TTC13: variants seen among roughly 807,000 people sequenced by gnomAD.
TTC13 encodes the protein tetratricopeptide repeat domain 13.
TTC13 carries 62 observed loss-of-function variants against 120.0 expected under a neutral mutation model. The ratio of observed to expected loss-of-function variants is 0.52; its 90% CI spans 0.42 to 0.64. The LOEUF (loss-of-function observed/expected upper bound fraction) is 0.64, where lower values mean the gene tolerates loss of function less well. Among genes scored for constraint, TTC13 ranks in the 30% least tolerant of loss-of-function variants. The pLI is 0.00. For missense variants in TTC13, 824 were observed against 1,050.2 expected, an observed-to-expected ratio of 0.78 and a Z score of 2.98; for synonymous variants, 384 against 393.5, an observed-to-expected ratio of 0.98 and a Z score of 0.28.
chr1:230,931,823 G>C lies in TTC13; in HGVS notation c.1038C>G (p.Leu346=). The C allele has an allele frequency of 6.2e-7, 1 of 1,614,178 alleles. No homozygotes were observed. The highest frequency in any genetic ancestry group is 8.5e-7 in the Non-Finnish European group (1 of 1,180,028). The stretch of plus-strand genomic sequence containing the variant: ...GGAGGGTTTGCACATGATTTTGGTT[G>C]AGCAACAGTGCCTTTTGAAAGCTCT... ...ATESFQKALL[L]NQNHVQTLQL... The change falls in exon 10 of 23, where the codon CTC becomes CTG. Residue 346 remains leucine, a synonymous_variant. Coordinates refer to ENST00000366661, the MANE Select transcript of TTC13 (RefSeq NM_024525.5).
At chr1:230,910,248 T>C (rs544032188) in intron 20 of TTC13, among the ~76,000 whole-genome samples, 192 of 151,614 alleles carry the variant, frequency 1.3e-3, no homozygotes, top group Non-Finnish European at 1.8e-3. Context: ...GGGCTGAAGA[T>C]GAAAGGGGCA....
chr1:230,967,120 C>T (rs557922466), intron 1 of TTC13, among the ~76,000 whole-genome samples: 1 of 152,194 alleles, frequency 6.6e-6, no homozygotes, highest in African/African-American at 2.4e-5. Context: ...ACTGTATTAT[C>T]TGCACGTAAT....
intron 1 of TTC13, among the ~76,000 whole-genome samples, chr1:230,964,252 A>T (rs556870637): frequency 6.6e-6 from 1 of 152,212 alleles, no homozygotes; most frequent in African/African-American, 2.4e-5. Flanking sequence ...TTCTTGACCT[A>T]TATTTTTGAA....
intron 4 of TTC13, among the ~76,000 whole-genome samples, chr1:230,951,423 A>G (rs1675569538): frequency 6.6e-6 from 1 of 152,192 alleles, no homozygotes; most frequent in South Asian, 2.1e-4. Context: ...AGAAAACCAA[A>G]AATTCTGTAC....
chr1:230,917,945 GC>G (rs1156624995), intron 17 of TTC13, among the ~76,000 whole-genome samples: 4 of 152,168 alleles, frequency 2.6e-5, no homozygotes, highest in Non-Finnish European at 5.9e-5. Context: ...AAGCCATTCT[GC>G]CCCCTGGGGG....
In TTC13 at chr1:230,924,703, A is replaced by G. The variant is rs1443920923; in HGVS notation, c.1721+138T>C. The G allele has an allele frequency of 6.6e-6, 6 of 904,062 alleles. No homozygotes were observed. In the Admixed American group the frequency reaches 9.5e-5, roughly 14 times the overall value. 56.0% of individuals were successfully genotyped at this position (904,062 alleles called of 1,614,324 possible). Reference sequence around the variant, plus strand: ...TAAAGATGCCAGCAATTTCTAACAAACTTTAGAGAGGAAAACCTAACTTGG... The same window carrying G: ...TAAAGATGCCAGCAATTTCTAACAAGCTTTAGAGAGGAAAACCTAACTTGG... On this transcript the variant is annotated intron_variant, in intron 14 of 22. Transcript: ENST00000366661.
intron 15 of TTC13, among the ~76,000 whole-genome samples, chr1:230,922,904 G>C (rs1199330387): frequency 6.6e-6 from 1 of 152,140 alleles, no homozygotes; most frequent in Non-Finnish European, 1.5e-5. Context: ...ATCTACGGTA[G>C]CCTTCGATTA....
chr1:230,971,121 G>C (rs531199671), intron 1 of TTC13, among the ~76,000 whole-genome samples: 1 of 152,114 alleles, frequency 6.6e-6, no homozygotes, highest in South Asian at 2.1e-4. Context: ...CGAGGCAGGC[G>C]GATCACGAGG....
chr1:230,970,159 G>C (rs1452733613), intron 1 of TTC13, among the ~76,000 whole-genome samples: 1 of 152,218 alleles, frequency 6.6e-6, no homozygotes, highest in African/African-American at 2.4e-5. Flanking sequence ...CCAATGCTGG[G>C]TCCTAGTAAT....
chr1:230,957,666 G>A (rs1229939160), intron 3 of TTC13, among the ~76,000 whole-genome samples: 2 of 152,070 alleles, frequency 1.3e-5, no homozygotes, highest in Non-Finnish European at 2.9e-5. Context: ...ACTAGACAGC[G>A]AGGGAAACAC....
At chr1:230,955,661 A>G (rs1676009599) in intron 3 of TTC13, among the ~76,000 whole-genome samples, 1 of 113,964 alleles carries the variant, frequency 8.8e-6, no homozygotes, top group African/African-American at 3.8e-5. Context: ...ACAGAGAGAG[A>G]CTCCATCTCA....
chr1:230,940,688 C>T lies in TTC13; in HGVS notation c.673-132G>A. On this transcript the variant is annotated intron_variant, in intron 6 of 22. Transcript: ENST00000366661. The surrounding 1 kb of genome is among the most constrained non-coding windows in gnomAD (Gnocchi z 4.1). The stretch of plus-strand genomic sequence containing the variant: ...CTCTCAGCAGGCTGCAATCCTTGAC[C>T]CCCTATATTATGCGGTGGGGTTCAA... 1.6e-6 allele frequency: 1 copy of T among 638,538 alleles called. No individual in the cohort carries two copies. The highest frequency in any genetic ancestry group is 1.8e-5 in the South Asian group (1 of 57,096). 39.6% of individuals were successfully genotyped at this position (638,538 alleles called of 1,614,324 possible).
intron 2 of TTC13, 126 bp from the exon 3 acceptor site, chr1:230,958,425 T>C (rs922604571): frequency 9.1e-7 from 1 of 1,093,280 alleles, no homozygotes; most frequent in East Asian, 2.6e-5. Flanking sequence ...AGCAAGAAAA[T>C]GCCACTATTG....
intron 9 of TTC13, among the ~76,000 whole-genome samples, chr1:230,933,479 G>A (rs1007228338): frequency 2.0e-5 from 3 of 152,174 alleles, no homozygotes; most frequent in South Asian, 2.1e-4. Flanking sequence ...TAGCAGCAGC[G>A]TCTACACCCC....
At chr1:230,924,144 T>C (rs570970854) in intron 14 of TTC13, among the ~76,000 whole-genome samples, 1 of 152,318 alleles carries the variant, frequency 6.6e-6, no homozygotes, top group East Asian at 1.9e-4. Flanking sequence ...GAGGACAGTT[T>C]TTGTCACGCA....
At chr1:230,960,773 T>C (rs906774421) in intron 2 of TTC13, among the ~76,000 whole-genome samples, 1 of 152,092 alleles carries the variant, frequency 6.6e-6, no homozygotes, top group Non-Finnish European at 1.5e-5. Flanking sequence ...GAGGAGGAGA[T>C]GCACTAACAT....
intron 3 of TTC13, chr1:230,956,482 C>A: frequency 3.1e-6 from 1 of 324,976 alleles, no homozygotes. Flanking sequence ...GCTTAATAAG[C>A]CTGTAGAAAA....
intron 22 of TTC13, 45 bp downstream of exon 22, chr1:230,908,667 C>T: frequency 6.6e-7 from 1 of 1,525,276 alleles, no homozygotes; most frequent in Non-Finnish European, 9.0e-7. Context: ...TCCTTTTCCT[C>T]CTCCAGTTAT....
At chr1:230,952,475 C>T (rs1675685534) in intron 4 of TTC13, among the ~76,000 whole-genome samples, 1 of 152,230 alleles carries the variant, frequency 6.6e-6, no homozygotes, top group Non-Finnish European at 1.5e-5. Context: ...CATCAATAGT[C>T]TGAACTGCGA....
Sources: allele counts gnomAD v4.1 joint callset (sites outside exome capture counted in the v4.1 genomes callset), GRCh38; gene constraint gnomAD v4.1.1; non-coding constraint Gnocchi (gnomAD v3.1); transcripts MANE v1.5; gene names NCBI Gene and HGNC (gene_info 2026-07-23, HGNC 2026-07-21).